Variants in TANGO6 observed in about 807,000 individuals in gnomAD.
The protein encoded by TANGO6 is transport and Golgi organization protein 6 homolog.
In TANGO6, 90 loss-of-function variants were observed where a neutral mutation model predicts 114.2. The observed-to-expected ratio is 0.79, with a 90% CI of 0.66 to 0.94. The LOEUF (loss-of-function observed/expected upper bound fraction) is 0.94. Ranked by LOEUF, TANGO6 falls within the 40% of genes least tolerant of loss-of-function variation. TANGO6 has a pLI of 0.00. For synonymous variants in TANGO6, 477 were observed against 509.8 expected (o/e 0.94, Z 0.87); for missense variants, 1,274 against 1,315.3 (o/e 0.97, Z 0.49).
Position 69,022,945 on chromosome 16 carries a change from G to A in TANGO6, c.2960G>A (p.Arg987Lys). 4 of 1,601,792 alleles carry A rather than the reference G, an allele frequency of 2.5e-6. No individual in the cohort carries two copies. The highest frequency in any genetic ancestry group is 3.4e-6 in the Non-Finnish European group (4 of 1,175,816). ...GCCAACCTTGGGGAGCTGTGCCAGAGGCTGGACTTTCTGCTGGGCTCCGTG... is the reference window on the plus strand; with the variant it reads ...GCCAACCTTGGGGAGCTGTGCCAGAAGCTGGACTTTCTGCTGGGCTCCGTG... ...SLANLGELCQ[R>K]LDFLLGSVVH... is the part of the protein sequence containing the mutation. The change falls in exon 16 of 18, where the codon AGG (arginine) becomes AAG (lysine). Residue 987 changes from arginine to lysine, a missense_variant. By Grantham distance (26) the Arg-to-Lys change is conservative. Around this residue, in one of 5 missense-constraint regions of TANGO6, gnomAD observed 238 missense variants for 252.9 expected, o/e 0.94. Transcript: ENST00000261778.
chr16:68,912,036 G>A (rs1304251272), intron 11 of TANGO6, among the ~76,000 whole-genome samples: 1 of 152,216 alleles, frequency 6.6e-6, no homozygotes, highest in Admixed American at 6.5e-5. Context: ...CTTTGGGATT[G>A]CCAGGGCATC....
intron 17 of TANGO6, among the ~76,000 whole-genome samples, chr16:69,049,103 A>T (rs1185095493): frequency 6.6e-6 from 1 of 152,202 alleles, no homozygotes; most frequent in Non-Finnish European, 1.5e-5. Flanking sequence ...TATATAGTAT[A>T]AAATTCACCC....
chr16:68,916,800 GAC>G (rs1231652718), intron 11 of TANGO6, among the ~76,000 whole-genome samples: 1 of 151,956 alleles, frequency 6.6e-6, no homozygotes, highest in East Asian at 1.9e-4. Context: ...GAACAGAAGA[GAC>G]AGAGATTTCC....
At chr16:68,933,485 A>C (rs1462176368) in intron 14 of TANGO6, among the ~76,000 whole-genome samples, 1 of 152,024 alleles carries the variant, frequency 6.6e-6, no homozygotes, top group African/African-American at 2.4e-5. Flanking sequence ...ATTATCACTC[A>C]CGCATCTGTA....
intron 7 of TANGO6, 106 bp from the exon 8 acceptor site, chr16:68,900,328 G>A (rs984335357): frequency 2.4e-6 from 2 of 817,752 alleles, no homozygotes; most frequent in Non-Finnish European, 4.1e-6. Context: ...TGATTCGGAT[G>A]AGATATTGCT....
chr16:68,927,994 C>A lies in TANGO6; in HGVS notation c.2554C>A (p.Pro852Thr). Residue 852 changes from proline to threonine, a missense_variant, in exon 13 of 18, where the codon CCA becomes ACA. Transcript: ENST00000261778. ...TTTGTCAGCTTATGACCCTCAAATT[C>A]CAACACGGGCTGCTGCCCTGCGTAC... ...VLLSAYDPQI[P>T]TRAAALRTLS... 1 of 1,612,558 alleles carries A rather than the reference C, an allele frequency of 6.2e-7. No homozygotes were observed. The highest frequency in any genetic ancestry group is 8.5e-7 in the Non-Finnish European group (1 of 1,179,338).
chr16:68,928,025 C>A lies in TANGO6; in HGVS notation c.2585C>A (p.Ser862Tyr). ...PTRAAALRTL[S>Y]HWIEQREAKA... is the part of the protein sequence containing the mutation. ...CGGGCTGCTGCCCTGCGTACTCTTT[C>A]CCACTGGATAGAGCAGAGAGAAGCA... The change falls in exon 13 of 18, where the codon TCC becomes TAC. Residue 862 changes from serine to tyrosine, a missense_variant. This residue lies in a region of TANGO6 where 908 missense variants were observed against 910.2 expected (regional missense o/e 1.00). Transcript: ENST00000261778. 1 of 1,606,522 alleles carries A rather than the reference C, an allele frequency of 6.2e-7. No individual in the cohort carries two copies. The highest frequency in any genetic ancestry group is 8.5e-7 in the Non-Finnish European group (1 of 1,176,344).
Position 68,919,169 on chromosome 16 carries a change from C to G in TANGO6, c.2077C>G (p.Leu693Val), listed in dbSNP as rs1963054003. Residue 693 changes from leucine to valine, a missense_variant, in exon 12 of 18, where the codon CTG (leucine) becomes GTG (valine). By Grantham distance (32) the Leu-to-Val change is conservative. This residue lies in a region of TANGO6 where 908 missense variants were observed against 910.2 expected (regional missense o/e 1.00). Coordinates refer to ENST00000261778, the MANE Select transcript of TANGO6 (RefSeq NM_024562.2). The part of the protein sequence containing the change: ...QAESTVESQT[L>V]SMSMGLVAVM... ...AGAGAGCACCGTGGAATCACAGACG[C>G]TGAGCATGTCCATGGGGCTGGTGGC... The G allele has an allele frequency of 6.2e-7, 1 of 1,612,698 alleles. No individual in the cohort carries two copies. Among genetic ancestry groups the G allele is most frequent in the Non-Finnish European group, 8.5e-7 (1 of 1,179,500 alleles).
At position 69,040,400 on chromosome 16, in the gene TANGO6, A is replaced by G. The variant is rs758544056; in HGVS notation, c.3087A>G (p.Gly1029=). 5.9e-5 allele frequency: 95 copies of G among 1,604,232 alleles called. No individual in the cohort carries two copies. Among genetic ancestry groups the G allele is most frequent in the Non-Finnish European group, 7.9e-5 (93 of 1,175,624 alleles). Residue 1029 remains glycine, a synonymous_variant, in exon 17 of 18, where the codon GGA becomes GGG. Coordinates refer to ENST00000261778, the MANE Select transcript of TANGO6 (RefSeq NM_024562.2). The stretch of plus-strand genomic sequence containing the variant: ...ATGTGGTTGTGCTGCTGCTTCGGGG[A>G]CTCAGCCAGAAAGCTACTGAGGTCA... ...AIHVVVLLLR[G]LSQKATEVLS...
At chr16:69,016,025 T>TC (rs756586017) in intron 15 of TANGO6, among the ~76,000 whole-genome samples, 5 of 152,292 alleles carry the variant, frequency 3.3e-5, no homozygotes, top group Admixed American at 1.3e-4. Context: ...TGAGAGCTCT[T>TC]CCCTGAGCCC....
At position 68,945,667 on chromosome 16, in the gene TANGO6, G is replaced by A. The variant is rs114741825; in HGVS notation, c.2701+15372G>A. On this transcript the variant is annotated intron_variant, in intron 14 of 17. Transcript: ENST00000261778. ...TGCCCATTTGTAAATCTTCATTAGA[G>A]AAGTGTCTATTCAGATTCTTTGCCT... is the stretch of plus-strand genomic sequence containing the variant. 7.8e-3 allele frequency among the ~76,000 whole-genome samples: 1,184 copies of A among 152,000 alleles called. 15 individuals carry two copies. The highest frequency in any genetic ancestry group is 0.027 in the African/African-American group (1,119 of 41,510).
At chr16:68,886,492 G>T (rs965598664) in intron 7 of TANGO6, among the ~76,000 whole-genome samples, 1 of 151,042 alleles carries the variant, frequency 6.6e-6, no homozygotes, top group Non-Finnish European at 1.5e-5. Flanking sequence ...CCTCCTCACC[G>T]ATCTCATCTC....
chr16:68,967,643 A>G (rs1052014670), intron 14 of TANGO6, among the ~76,000 whole-genome samples: 2 of 152,142 alleles, frequency 1.3e-5, no homozygotes, highest in Non-Finnish European at 2.9e-5. Context: ...GAATTATACA[A>G]TGTGTGGGTT....
intron 14 of TANGO6, among the ~76,000 whole-genome samples, chr16:68,936,899 A>G (rs1038622153): frequency 6.6e-6 from 1 of 152,126 alleles, no homozygotes; most frequent in Non-Finnish European, 1.5e-5. Flanking sequence ...CCATCTTGAC[A>G]TGCCCAAACA....
At chr16:68,870,979 C>T (rs1962258091) in intron 4 of TANGO6, among the ~76,000 whole-genome samples, 1 of 148,966 alleles carries the variant, frequency 6.7e-6, no homozygotes, top group South Asian at 2.1e-4. Context: ...TTAGTAGAGA[C>T]AGGGTTTCAC....
At chr16:68,917,599 G>C (rs1247642472) in intron 11 of TANGO6, among the ~76,000 whole-genome samples, 1 of 152,096 alleles carries the variant, frequency 6.6e-6, no homozygotes, top group Non-Finnish European at 1.5e-5. Context: ...TCTGGATTTT[G>C]GCCATTCTAT....
chr16:69,012,516 A>G (rs1964151010), intron 15 of TANGO6, among the ~76,000 whole-genome samples: 1 of 141,010 alleles, frequency 7.1e-6, no homozygotes, highest in African/African-American at 2.6e-5. Flanking sequence ...AGATCGTGCC[A>G]TTGCACTCCA....
At chr16:68,899,476 T>C (rs1325729469) in intron 7 of TANGO6, among the ~76,000 whole-genome samples, 2 of 152,112 alleles carry the variant, frequency 1.3e-5, no homozygotes, top group Non-Finnish European at 2.9e-5. Context: ...AGCATTACGA[T>C]TATTAATAAA....
chr16:68,980,435 A>ATTTT (rs1291932299), intron 15 of TANGO6, among the ~76,000 whole-genome samples: 60 of 61,764 alleles, frequency 9.7e-4, no homozygotes, highest in African/African-American at 2.9e-3. Context: ...ATATATATAT[A>ATTTT]TTTTTTTTTT....
Sources: allele counts gnomAD v4.1 joint callset (sites outside exome capture counted in the v4.1 genomes callset), GRCh38; gene constraint gnomAD v4.1.1; regional missense constraint gnomAD v4.1.1; transcripts MANE v1.5; gene names NCBI Gene and HGNC (gene_info 2026-07-23, HGNC 2026-07-21).